RIMBP2: variants seen among roughly 807,000 people sequenced by gnomAD.
RIMBP2 encodes RIMS-binding protein 2.
In RIMBP2, 48 loss-of-function variants were observed where a neutral mutation model predicts 118.6. The ratio of observed to expected loss-of-function variants is 0.40; its 90% CI spans 0.32 to 0.51. The LOEUF is 0.51. Among genes scored for constraint, RIMBP2 ranks in the 20% least tolerant of loss-of-function variants. RIMBP2 has a pLI of 0.41. For missense variants in RIMBP2, 1,551 were observed against 1,768.3 expected (o/e 0.88, Z 2.20); for synonymous variants, 762 against 742.9 (o/e 1.03, Z -0.42).
rs758274751 is a variant in RIMBP2 at position 130,414,170 on chromosome 12, A to G, written c.3375T>C (p.Asp1125=). 2 of 1,614,194 alleles carry G rather than the reference A, an allele frequency of 1.2e-6. No homozygotes were observed. The highest frequency in any genetic ancestry group is 1.7e-6 in the Non-Finnish European group (2 of 1,180,030). Residue 1125 remains aspartate (D), a synonymous_variant, in exon 18 of 23, where the codon GAT becomes GAC. Transcript: ENST00000690449. ...YDPLTMSPNP[D]AAEEELPFKE... Reference sequence around the variant, plus strand: ...TAAAGGGAAGCTCCTCCTCTGCAGCATCTGGGTTTGGGGACATGGTGAGCG... The same window carrying G: ...TAAAGGGAAGCTCCTCCTCTGCAGCGTCTGGGTTTGGGGACATGGTGAGCG...
At chr12:130,535,841 C>A (rs985346859) in intron 2 of RIMBP2, among the ~76,000 whole-genome samples, 1 of 150,250 alleles carries the variant, frequency 6.7e-6, no homozygotes, top group African/African-American at 2.4e-5. Context: ...TGCAGTGGTA[C>A]AATTTCAGCT....
At chr12:130,711,257 G>C (rs563948248) in intron 1 of RIMBP2, among the ~76,000 whole-genome samples, 1 of 152,144 alleles carries the variant, frequency 6.6e-6, no homozygotes, top group African/African-American at 2.4e-5. Flanking sequence ...GAAAAAAAAA[G>C]AAGCTATCCA....
intron 3 of RIMBP2, among the ~76,000 whole-genome samples, chr12:130,507,964 G>C (rs2050525398): frequency 6.6e-6 from 1 of 152,214 alleles, no homozygotes; most frequent in Non-Finnish European, 1.5e-5. Context: ...AATGGGAACA[G>C]GGTTACAGGA....
In RIMBP2 at chr12:130,646,087, TTCCCTCTC is replaced by T. The variant is rs1566421959; in HGVS notation, c.-351-17639_-351-17632del. Reference sequence around the variant, plus strand: ...CCTGCCTCTCCACCTCCCTCACCACTTCCCTCTCCACCTCCCTCTCCACCTCCCTCACC... The same window carrying T: ...CCTGCCTCTCCACCTCCCTCACCACTCACCTCCCTCTCCACCTCCCTCACC... On this transcript the variant is annotated intron_variant, in intron 1 of 22. Coordinates refer to ENST00000690449, the MANE Select transcript of RIMBP2 (RefSeq NM_001393629.1). Among the ~76,000 whole-genome samples, 155 of 60,536 alleles carry T rather than the reference TTCCCTCTC, an allele frequency of 2.6e-3. 6 individuals are homozygous for T. The highest frequency in any genetic ancestry group is 1.0e-2 in the South Asian group (18 of 1,804). The allele number at this position is 60,536 out of a possible 152,430, so 39.7% of individuals were successfully genotyped here.
At chr12:130,610,618 T>G (rs1594029256) in intron 2 of RIMBP2, among the ~76,000 whole-genome samples, 2 of 130,414 alleles carry the variant, frequency 1.5e-5, no homozygotes, top group Non-Finnish European at 3.1e-5. Context: ...TGGAGTGCAG[T>G]GGCGCGATCT....
intron 2 of RIMBP2, among the ~76,000 whole-genome samples, chr12:130,626,390 C>G (rs944886994): frequency 6.9e-6 from 1 of 145,900 alleles, no homozygotes; most frequent in African/African-American, 2.8e-5. Context: ...TCTTCTCCAT[C>G]ACGACTACCG....
chr12:130,474,681 C>T (rs563645089), intron 5 of RIMBP2, among the ~76,000 whole-genome samples: 220 of 152,282 alleles, frequency 1.4e-3, no homozygotes, highest in Non-Finnish European at 2.5e-3. Flanking sequence ...ATAAGGGTCC[C>T]CAAGAGGGGA....
At chr12:130,430,655 G>C (rs1436749979) in intron 14 of RIMBP2, 5 of 124,556 alleles carry the variant, frequency 4.0e-5, no homozygotes, top group African/African-American at 1.6e-4. Flanking sequence ...TTTTGAGATG[G>C]AGTCTCACCC....
intron 1 of RIMBP2, among the ~76,000 whole-genome samples, chr12:130,664,443 A>ACACACG (rs1555320922): frequency 2.6e-4 from 17 of 64,668 alleles, no homozygotes; most frequent in East Asian, 2.2e-3. Flanking sequence ...ATGCACGCAC[A>ACACACG]CACGCACACA....
At chr12:130,624,446 C>T (rs1378144728) in intron 2 of RIMBP2, among the ~76,000 whole-genome samples, 1 of 152,112 alleles carries the variant, frequency 6.6e-6, no homozygotes, top group Non-Finnish European at 1.5e-5. Context: ...TGTCTATACA[C>T]CTGCCTCTAT....
rs2058060797 is a variant in RIMBP2 at position 130,576,040 on chromosome 12, A to G, written c.-217+52282T>C. Among the ~76,000 whole-genome samples the G allele has an allele frequency of 6.6e-6, 1 of 151,972 alleles. No homozygotes were observed. Among genetic ancestry groups the G allele is most frequent in the Non-Finnish European group, 1.5e-5 (1 of 67,978 alleles). On this transcript the variant is annotated intron_variant, in intron 2 of 22. Transcript: ENST00000690449. This position sits in a 1 kb window ranked among gnomAD's most constrained non-coding sequence, Gnocchi z 4.2. ...GAGGAGGAGCATGGTGGACAGAACA[A>G]CTGCCAGTGTGGAGACATCACAGTG...
chr12:130,558,812 G>A (rs534857410), intron 2 of RIMBP2, among the ~76,000 whole-genome samples: 1 of 146,714 alleles, frequency 6.8e-6, no homozygotes, highest in African/African-American at 2.5e-5. Context: ...TTTCTAATCC[G>A]CTTCCAAGGG....
chr12:130,496,370 G>A (rs11060948), intron 4 of RIMBP2, among the ~76,000 whole-genome samples: 32,443 of 152,060 alleles, frequency 0.21, 4,266 homozygotes, highest in Non-Finnish European at 0.28. Context: ...CACATAGAAT[G>A]GTGAGTCCAT....
chr12:130,487,118 G>A (rs978214885), intron 4 of RIMBP2, among the ~76,000 whole-genome samples: 5 of 152,164 alleles, frequency 3.3e-5, no homozygotes, highest in African/African-American at 4.8e-5. Context: ...CACTGGCTTC[G>A]CTCAGTTCCA....
intron 2 of RIMBP2, among the ~76,000 whole-genome samples, chr12:130,526,339 T>G (rs1260428253): frequency 1.3e-5 from 2 of 152,100 alleles, no homozygotes; most frequent in African/African-American, 2.4e-5. Context: ...TGAAAGACAA[T>G]GAAAGGTAAC....
intron 6 of RIMBP2, among the ~76,000 whole-genome samples, chr12:130,457,219 G>A (rs1237775818): frequency 1.3e-5 from 2 of 152,162 alleles, no homozygotes; most frequent in African/African-American, 2.4e-5. Context: ...CCGCCCCCTC[G>A]GACTGTAGAA....
rs1430653076 is a variant in RIMBP2 at position 130,659,362 on chromosome 12, G to T, written c.-351-30906C>A. 2.0e-5 allele frequency among the ~76,000 whole-genome samples: 3 copies of T among 151,646 alleles called. No individual in the cohort carries two copies. In the East Asian group the frequency reaches 5.9e-4, roughly 30 times the overall value. On this transcript the variant is annotated intron_variant, in intron 1 of 22. Transcript: ENST00000690449. ...CAAGGCAGGTGGATCACGAGGTCAGGAGATCGAGACCATCCTGGCTAACAC... is the reference window on the plus strand; with the variant it reads ...CAAGGCAGGTGGATCACGAGGTCAGTAGATCGAGACCATCCTGGCTAACAC...
At chr12:130,534,695 A>G (rs577321402) in intron 2 of RIMBP2, among the ~76,000 whole-genome samples, 1 of 152,338 alleles carries the variant, frequency 6.6e-6, no homozygotes, top group African/African-American at 2.4e-5. Context: ...CCCATGTCAT[A>G]GATTCTGTCC....
chr12:130,565,252 A>C (rs2057129219), intron 2 of RIMBP2, among the ~76,000 whole-genome samples: 7 of 152,166 alleles, frequency 4.6e-5, no homozygotes. Flanking sequence ...TAAAAAATGG[A>C]AAGTTACAAA....
Sources: allele counts gnomAD v4.1 joint callset (sites outside exome capture counted in the v4.1 genomes callset), GRCh38; gene constraint gnomAD v4.1.1; non-coding constraint Gnocchi (gnomAD v3.1); transcripts MANE v1.5; gene names NCBI Gene and HGNC (gene_info 2026-07-23, HGNC 2026-07-21).